TCEAL4: variants seen among roughly 807,000 people sequenced by gnomAD.
TCEAL4 encodes the protein transcription elongation factor A protein-like 4.
In TCEAL4, 1 loss-of-function variant was observed where a neutral mutation model predicts 1.3. That is an observed-to-expected ratio of 0.79 (90% CI 0.28 to 3.76). TCEAL4 has a LOEUF of 3.76. Ranked by LOEUF, TCEAL4 falls within the 30% of genes most tolerant of loss-of-function variation. The pLI, the probability that TCEAL4 is intolerant of heterozygous loss-of-function variation, is 0.18. For missense variants in TCEAL4, 129 were observed against 154.7 expected, an observed-to-expected ratio of 0.83 and a Z score of 0.88; for synonymous variants, 54 against 50.7, an observed-to-expected ratio of 1.06 and a Z score of -0.28.
upstream of TCEAL4, among the ~76,000 whole-genome samples, chrX:103,581,481 C>CA (rs1385340350): frequency 3.6e-5 from 4 of 110,839 alleles, no homozygotes; most frequent in Non-Finnish European, 7.6e-5. Context: ...AACATTGATG[C>CA]AAAAATCCTC....
At chrX:103,586,111 G>A (rs1226884606) in intron 1 of TCEAL4, 108 bp from the exon 2 acceptor site, 3 of 1,113,747 alleles carry the variant, frequency 2.7e-6, no homozygotes, top group Non-Finnish European at 3.5e-6. Flanking sequence ...GGCGGAGGTA[G>A]GGGAGGAAAA....
upstream of TCEAL4, among the ~76,000 whole-genome samples, chrX:103,582,419 A>G (rs193094877): frequency 1.8e-5 from 2 of 112,350 alleles, no homozygotes; most frequent in Non-Finnish European, 3.8e-5. Context: ...TAAAACTCAT[A>G]TGGAACCAAA....
upstream of TCEAL4, among the ~76,000 whole-genome samples, chrX:103,583,669 C>CA (rs1216019192): frequency 2.7e-5 from 3 of 111,492 alleles, no homozygotes; most frequent in Non-Finnish European, 5.7e-5. Flanking sequence ...AACACATGGA[C>CA]ACATGTCAGG....
chrX:103,585,763 G>A, intron 1 of TCEAL4, 139 bp downstream of exon 1: 3 of 1,146,522 alleles, frequency 2.6e-6, no homozygotes, highest in Non-Finnish European at 3.5e-6. Flanking sequence ...AGATGGCGGT[G>A]GGAAAACGGC....
chrX:103,585,782 G>A (rs775351068), intron 1 of TCEAL4, 158 bp downstream of exon 1: 206 of 1,125,562 alleles, frequency 1.8e-4, no homozygotes, highest in Non-Finnish European at 2.3e-4. Flanking sequence ...GCTAGGGGTG[G>A]CTGAGGGGGA....
exon 1 of TCEAL4, chrX:103,576,279 G>A: frequency 1.7e-6 from 1 of 579,294 alleles, no homozygotes; most frequent in South Asian, 3.4e-5. Context: ...GGGCCAGAAA[G>A]TAAATATTTC....
chrX:103,582,426 C>A (rs1042544154), upstream of TCEAL4, among the ~76,000 whole-genome samples: 1 of 111,558 alleles, frequency 9.0e-6, no homozygotes, highest in Non-Finnish European at 1.9e-5. Context: ...CATATGGAAC[C>A]AAAAAAGAGC....
At chrX:103,576,336 A>G in exon 1 of TCEAL4, 1 of 810,609 alleles carries the variant, frequency 1.2e-6, no homozygotes, top group Non-Finnish European at 1.8e-6. Flanking sequence ...TCCTAGTATT[A>G]TTTCATCTTT....
upstream of TCEAL4, chrX:103,585,402 C>A: frequency 1.1e-6 from 1 of 934,205 alleles, no homozygotes; most frequent in Non-Finnish European, 1.4e-6. Flanking sequence ...GACAAAAGGG[C>A]CCAGGGAGGT....
chrX:103,584,020 C>A (rs1028772462), upstream of TCEAL4, among the ~76,000 whole-genome samples: 1 of 110,340 alleles, frequency 9.1e-6, no homozygotes, highest in Non-Finnish European at 1.9e-5. Context: ...CTCTGCCTCT[C>A]GGGTTCAAGC....
intron 1 of TCEAL4, chrX:103,576,617 A>G (rs930531494): frequency 2.7e-5 from 14 of 527,864 alleles, no homozygotes; most frequent in Non-Finnish European, 4.4e-5. Context: ...TATAAAAATT[A>G]GCCTGGTGTG....
chrX:103,586,623 C>T, intron 2 of TCEAL4, 26 bp from the exon 3 acceptor site: 1 of 1,191,565 alleles, frequency 8.4e-7, no homozygotes, highest in Non-Finnish European at 1.1e-6. Flanking sequence ...TCTTTGTCTC[C>T]TCTTTCCTCC....
At position 103,586,587 on chromosome X, in the gene TCEAL4, C is replaced by G; in HGVS notation, c.-27-62C>G. The stretch of plus-strand genomic sequence containing the variant: ...GTACTATCCAGACCTGCATTCCACC[C>G]CATGCACTCAGTCTCCCATGTCTCC... On this transcript the variant is annotated intron_variant, in intron 2 of 2. Transcript: ENST00000472484. 4 of 1,127,949 alleles carry G rather than the reference C, an allele frequency of 3.5e-6. No individual in the cohort carries two copies. The South Asian group carries it at 6.2e-5, about 17-fold the overall frequency. The allele number at this position is 1,127,949 out of a possible 1,213,427, so 93.0% of individuals were successfully genotyped here. A position where few individuals can be genotyped will look rare whatever the true frequency, so the allele number is the denominator to read the frequency against.
Position 103,586,206 on chromosome X carries a change from T to A in TCEAL4, c.-100-13T>A. 8.6e-7 allele frequency: 1 copy of A among 1,165,959 alleles called. No homozygotes were observed. The highest frequency in any genetic ancestry group is 3.3e-5 in the East Asian group (1 of 30,728). ...GCGCGCAGACCCTGCCCCTGTCTCC[T>A]GTCTGTCTGCAGGTCTGCGCGTCTG... On this transcript the variant is annotated splice_polypyrimidine_tract_variant and intron_variant, in intron 1 of 2. Transcript: ENST00000472484.
chrX:103,586,451 G>A, intron 2 of TCEAL4, 160 bp downstream of exon 2: 1 of 818,687 alleles, frequency 1.2e-6, no homozygotes. Flanking sequence ...GAGCCTGTCA[G>A]GCAATGGCTG....
At chrX:103,581,875 G>A (rs1012883281), upstream of TCEAL4, among the ~76,000 whole-genome samples, 1 of 111,699 alleles carries the variant, frequency 9.0e-6, no homozygotes, top group East Asian at 2.8e-4. Flanking sequence ...ATTCAACATA[G>A]TATTGGAAGT....
Position 103,587,485 on chromosome X carries a change from T to C in TCEAL4, c.*162T>C. The C allele has an allele frequency of 1.6e-6, 1 of 632,987 alleles. No individual in the cohort carries two copies. Among genetic ancestry groups the C allele is most frequent in the Non-Finnish European group, 2.2e-6 (1 of 450,218 alleles). The allele number at this position is 632,987 out of a possible 1,213,427, so 52.2% of individuals were successfully genotyped here. A position where few individuals can be genotyped will look rare whatever the true frequency, so the allele number is the denominator to read the frequency against. ...CATGGAAAAAATGTTGATGGTGCAT[T>C]GTAAAATTAAAAAACACAACTTGCA... On this transcript the variant is annotated 3_prime_UTR_variant, in exon 3 of 3. Coordinates refer to ENST00000472484, the MANE Select transcript of TCEAL4 (RefSeq NM_001006935.3).
At chrX:103,585,412 T>G, upstream of TCEAL4, 3 of 973,686 alleles carry the variant, frequency 3.1e-6, no homozygotes, top group Admixed American at 4.6e-5. Flanking sequence ...CCCAGGGAGG[T>G]AAGAGGGTAC....
exon 1 of TCEAL4, chrX:103,576,242 C>T (rs2073482995): frequency 4.8e-6 from 2 of 413,820 alleles, no homozygotes; most frequent in Non-Finnish European, 8.3e-6. Flanking sequence ...TGGTCTAAGA[C>T]ATGGGCTGAC....
Sources: gnomAD v4.1 joint callset for allele counts (sites outside exome capture counted in the v4.1 genomes callset) on GRCh38, gnomAD v4.1.1 for gene constraint, MANE v1.5 for transcripts, NCBI Gene and HGNC (gene_info 2026-07-23, HGNC 2026-07-21) for gene names.